The following CD34 variants were observed in gnomAD, a reference collection of about 807,000 sequenced individuals.
CD34 encodes the protein CD34 molecule.
In CD34, 34 loss-of-function variants were observed where a neutral mutation model predicts 40.1. The observed-to-expected ratio is 0.85, with a 90% CI of 0.65 to 1.13. The LOEUF is 1.13. Among genes scored for constraint, CD34 ranks in the 50% most tolerant of loss-of-function variants. The probability of loss-of-function intolerance (pLI) is 0.00; values close to 1 mark genes in which losing one functional copy is unlikely to be tolerated. For synonymous variants in CD34, 209 were observed against 190.0 expected, an observed-to-expected ratio of 1.10 and a Z score of -0.82; for missense variants, 426 against 466.9, an observed-to-expected ratio of 0.91 and a Z score of 0.81.
chr1:207,888,531 C>T, intron 7 of CD34, 151 bp downstream of exon 7: 1 of 796,592 alleles, frequency 1.3e-6, no homozygotes, highest in South Asian at 1.7e-5. Context: ...GAATCTTCCA[C>T]CGATTACTGT....
In CD34 at chr1:207,887,738, T is replaced by C. The variant is rs1170467894; in HGVS notation, c.1158A>G (p.Ter386TrpextTer3). The C allele has an allele frequency of 6.2e-7, 1 of 1,613,982 alleles. No homozygotes were observed. Among genetic ancestry groups the C allele is most frequent in the South Asian group, 1.1e-5 (1 of 91,068 alleles). ...CCCAGCCTTGCCCCACCTAGCCGAG[T>C]CACAATTCGGTATCAGCCACCACGT... ...RQHVVADTEL[*>W] Residue 386 changes from the stop codon to tryptophan (W), a stop_lost, in exon 8 of 8, where the codon TGA (stop) becomes TGG (tryptophan). Transcript: ENST00000310833.
chr1:207,888,114 A>G, intron 7 of CD34, 191 bp from the exon 8 acceptor site: 5 of 1,613,964 alleles, frequency 3.1e-6, no homozygotes, highest in Non-Finnish European at 4.2e-6. Flanking sequence ...TCAGGGTTCC[A>G]GCTCCTAGAG....
At chr1:207,889,406 G>C (rs1207033480) in intron 5 of CD34, 59 bp downstream of exon 5, 1 of 1,558,980 alleles carries the variant, frequency 6.4e-7, no homozygotes, top group East Asian at 2.3e-5. Context: ...TCTCCACCCA[G>C]GATTCTCTAA....
In CD34 at chr1:207,896,292, A is replaced by T. The variant is rs150054605; in HGVS notation, c.597+1201T>A. On this transcript the variant is annotated intron_variant, in intron 4 of 7. Transcript: ENST00000310833. ...AGCCATGTTACTGTTAGGAAATTAG[A>T]TTTACTGAAACAAAGCAAGGTCTGC... 5.3e-3 allele frequency among the ~76,000 whole-genome samples: 803 copies of T among 152,312 alleles called. 8 individuals are homozygous for T. The highest frequency in any genetic ancestry group is 0.017 in the African/African-American group (693 of 41,548).
At chr1:207,896,815 AC>A (rs529641160) in intron 4 of CD34, among the ~76,000 whole-genome samples, 97 of 152,180 alleles carry the variant, frequency 6.4e-4, no homozygotes, top group Non-Finnish European at 1.2e-3. Context: ...ACTGGATATT[AC>A]AAATACTGTA....
chr1:207,910,992 C>T lies in CD34; in HGVS notation c.79+10G>A, dbSNP rs1186698714. 6.4e-7 allele frequency: 1 copy of T among 1,574,690 alleles called. No individual in the cohort carries two copies. On this transcript the variant is annotated intron_variant, in intron 1 of 7. Coordinates refer to ENST00000310833, the MANE Select transcript of CD34 (RefSeq NM_001025109.2). ...AAGCCAAGCGGCCGCGGCGCGCGGGCGGTACTCACGCAGCAAACTCAGCAA... is the reference window on the plus strand; with the variant it reads ...AAGCCAAGCGGCCGCGGCGCGCGGGTGGTACTCACGCAGCAAACTCAGCAA...
At position 207,885,757 on chromosome 1, in the gene CD34, A is replaced by C. The variant is rs1307517909; in HGVS notation, c.*1981T>G. On this transcript the variant is annotated 3_prime_UTR_variant, in exon 8 of 8. Transcript: ENST00000310833. ...GTCCTAGGGAAGAACCTATGATTAG[A>C]GGAGTTGGAGAAAAGCAAGAAGGAG... The C allele has an allele frequency of 6.6e-6, 1 of 152,258 alleles. No individual in the cohort carries two copies. Among genetic ancestry groups the C allele is most frequent in the Non-Finnish European group, 1.5e-5 (1 of 68,164 alleles). 9.4% of individuals were successfully genotyped at this position (152,258 alleles called of 1,614,324 possible).
chr1:207,899,236 A>G lies in CD34; in HGVS notation c.263-10T>C. 6.2e-7 allele frequency: 1 copy of G among 1,613,644 alleles called. No individual in the cohort carries two copies. Among genetic ancestry groups the G allele is most frequent in the Non-Finnish European group, 8.5e-7 (1 of 1,179,680 alleles). On this transcript the variant is annotated splice_polypyrimidine_tract_variant and intron_variant, in intron 2 of 7. Coordinates refer to ENST00000310833, the MANE Select transcript of CD34 (RefSeq NM_001025109.2). Reference sequence around the variant, plus strand: ...AATTTGACTGTCGTTTCTGGAAGAGACCAAAACATGGGTGTGCATGTGTGC... The same window carrying G: ...AATTTGACTGTCGTTTCTGGAAGAGGCCAAAACATGGGTGTGCATGTGTGC...
chr1:207,900,317 T>C (rs771865023), intron 1 of CD34, among the ~76,000 whole-genome samples: 9 of 152,220 alleles, frequency 5.9e-5, no homozygotes, highest in Non-Finnish European at 1.2e-4. Flanking sequence ...ATAATCATTA[T>C]ATAATCATAT....
At chr1:207,907,373 T>G (rs1461768040) in intron 1 of CD34, among the ~76,000 whole-genome samples, 1 of 152,168 alleles carries the variant, frequency 6.6e-6, no homozygotes, top group African/African-American at 2.4e-5. Context: ...TGTGCCCACC[T>G]AAACACAAGG....
chr1:207,881,232 C>T lies in CD34; in HGVS notation c.*6506G>A, dbSNP rs1249637030. ...AACATTTCCAAGTGGTCTCTGAGGT[C>T]AAAACAATTTGAATAATAATACTAC... On this transcript the variant is annotated 3_prime_UTR_variant, in exon 8 of 8. Transcript: ENST00000310833. 1 of 152,106 alleles carries T rather than the reference C, an allele frequency of 6.6e-6. No individual in the cohort carries two copies. The highest frequency in any genetic ancestry group is 2.4e-5 in the African/African-American group (1 of 41,404). 9.4% of individuals were successfully genotyped at this position (152,106 alleles called of 1,614,324 possible). A position where few individuals can be genotyped will look rare whatever the true frequency, so the allele number is the denominator to read the frequency against.
In CD34 at chr1:207,885,067, A is replaced by G. The variant is rs1028375605; in HGVS notation, c.*2671T>C. ...TCTGAGCCTTAGTTTGTCTTTAACT[A>G]TACCATAAGGGAGTTTAATTAAATG... On this transcript the variant is annotated 3_prime_UTR_variant, in exon 8 of 8. Coordinates refer to ENST00000310833, the MANE Select transcript of CD34 (RefSeq NM_001025109.2). 3 of 152,218 alleles carry G rather than the reference A, an allele frequency of 2.0e-5. No homozygotes were observed. The highest frequency in any genetic ancestry group is 2.1e-4 in the South Asian group (1 of 4,830). 9.4% of individuals were successfully genotyped at this position (152,218 alleles called of 1,614,324 possible). A position where few individuals can be genotyped will look rare whatever the true frequency, so the allele number is the denominator to read the frequency against.
At chr1:207,900,471 C>T (rs902345489) in intron 1 of CD34, among the ~76,000 whole-genome samples, 1 of 152,130 alleles carries the variant, frequency 6.6e-6, no homozygotes, top group African/African-American at 2.4e-5. Flanking sequence ...TGCAAAAGGT[C>T]ATGCTTCTTT....
rs947065906 is a variant in CD34, at chr1:207,882,038, T to C, written c.*5700A>G. On this transcript the variant is annotated 3_prime_UTR_variant, in exon 8 of 8. Transcript: ENST00000310833. ...TTGTAATTTCCTCTCCTCTCTCTTA[T>C]ATTCGACTTGAACTTCCAGTTCCAG... is the stretch of plus-strand genomic sequence containing the variant. 3 of 152,240 alleles carry C rather than the reference T, an allele frequency of 2.0e-5. No individual in the cohort carries two copies. Among genetic ancestry groups the C allele is most frequent in the African/African-American group, 7.2e-5 (3 of 41,464 alleles). 9.4% of individuals were successfully genotyped at this position (152,240 alleles called of 1,614,324 possible). A position where few individuals can be genotyped will look rare whatever the true frequency, so the allele number is the denominator to read the frequency against.
chr1:207,898,910 ACAG>A, intron 3 of CD34, 60 bp downstream of exon 3: 1 of 1,566,038 alleles, frequency 6.4e-7, no homozygotes, highest in South Asian at 1.1e-5. Context: ...AGGGAAAGAA[ACAG>A]CTTGCCTGCA....
chr1:207,893,168 A>G (rs1330928973), intron 4 of CD34, among the ~76,000 whole-genome samples: 3 of 152,184 alleles, frequency 2.0e-5, no homozygotes, highest in Non-Finnish European at 4.4e-5. Flanking sequence ...GCTCCTAACT[A>G]CATCAGCTCA....
chr1:207,881,313 C>T lies in CD34; in HGVS notation c.*6425G>A, dbSNP rs1661799778. ...TTCACAAGTATACAGTGGAGTGTTTCAGAGGCTACCCATCATATCACAACA... is the reference window on the plus strand; with the variant it reads ...TTCACAAGTATACAGTGGAGTGTTTTAGAGGCTACCCATCATATCACAACA... On this transcript the variant is annotated 3_prime_UTR_variant, in exon 8 of 8. Transcript: ENST00000310833. The T allele has an allele frequency of 6.6e-6, 1 of 152,152 alleles. No individual in the cohort carries two copies. The highest frequency in any genetic ancestry group is 1.5e-5 in the Non-Finnish European group (1 of 68,032). 9.4% of individuals were successfully genotyped at this position (152,152 alleles called of 1,614,324 possible).
At position 207,897,383 on chromosome 1, in the gene CD34, C is replaced by T. The variant is rs192047281; in HGVS notation, c.597+110G>A. The T allele has an allele frequency of 5.0e-4, 400 of 802,300 alleles. 1 individual carries two copies. The African/African-American group carries it at 5.7e-3, about 11-fold the overall frequency. The allele number at this position is 802,300 out of a possible 1,614,324, so 49.7% of individuals were successfully genotyped here. A position where few individuals can be genotyped will look rare whatever the true frequency, so the allele number is the denominator to read the frequency against. Reference sequence around the variant, plus strand: ...GGCAGGCTGACCAAGCTAAACTCCCCGGACCCCTACTCAAATCCAGTGCAA... The same window carrying T: ...GGCAGGCTGACCAAGCTAAACTCCCTGGACCCCTACTCAAATCCAGTGCAA... On this transcript the variant is annotated intron_variant, in intron 4 of 7. Transcript: ENST00000310833.
At position 207,899,959 on chromosome 1, in the gene CD34, C is replaced by G. The variant is rs988032193; in HGVS notation, c.124G>C (p.Glu42Gln). 1.2e-6 allele frequency: 2 copies of G among 1,613,556 alleles called. No homozygotes were observed. Among genetic ancestry groups the G allele is most frequent in the South Asian group, 2.2e-5 (2 of 91,028 alleles). ...SLDNNGTATP[E>Q]LPTQGTFSNV... Reference sequence around the variant, plus strand: ...GAAAATGTTCCCTGGGTAGGTAACTCTGGGGTAGCAGTACCGTTGTTGTCA... The same window carrying G: ...GAAAATGTTCCCTGGGTAGGTAACTGTGGGGTAGCAGTACCGTTGTTGTCA... Residue 42 changes from glutamate (E) to glutamine (Q), a missense_variant, in exon 2 of 8, where the codon GAG becomes CAG. By Grantham distance (29) the Glu-to-Gln change is conservative. Transcript: ENST00000310833.
Sources: allele counts gnomAD v4.1 joint callset (sites outside exome capture counted in the v4.1 genomes callset), GRCh38; gene constraint gnomAD v4.1.1; transcripts MANE v1.5; gene names NCBI Gene and HGNC (gene_info 2026-07-23, HGNC 2026-07-21).